Variants in CTAG2 observed in about 807,000 individuals in gnomAD.
CTAG2 encodes the protein CTL-recognized antigen on melanoma.
Under a neutral mutation model 5.7 loss-of-function variants are expected in CTAG2, and 5 were observed. The observed-to-expected ratio is 0.88, with a 90% confidence interval of 0.46 to 1.85. The LOEUF (loss-of-function observed/expected upper bound fraction) is 1.85. CTAG2 is among the 40% of genes most tolerant of loss of function. The pLI, the probability that CTAG2 is intolerant of heterozygous loss-of-function variation, is 0.01. For missense variants in CTAG2, 151 were observed against 169.9 expected, an observed-to-expected ratio of 0.89 and a Z score of 0.62; for synonymous variants, 63 against 80.9, an observed-to-expected ratio of 0.78 and a Z score of 1.19.
At position 154,652,178 on chromosome X, in the gene CTAG2, C is replaced by T. The variant is rs1240863501; in HGVS notation, c.494G>A (p.Cys165Tyr). ...CTGAGCCAAAAACACGGGCAGAAAG[C>T]ACTGCGTGATCCACATCAACAGGGA... ...QLSLLMWITQ[C>Y]FLPVFLAQAP... is the part of the protein sequence containing the mutation. Residue 165 changes from cysteine to tyrosine, a missense_variant, in exon 3 of 3, where the codon TGC (cysteine) becomes TAC (tyrosine). By Grantham distance (194) the Cys-to-Tyr change is radical. Coordinates refer to ENST00000369585, the MANE Select transcript of CTAG2 (RefSeq NM_172377.5). The T allele has an allele frequency of 5.0e-6, 6 of 1,207,434 alleles. No homozygotes were observed. Among genetic ancestry groups the T allele is most frequent in the Non-Finnish European group, 5.6e-6 (5 of 894,542 alleles).
At position 154,652,227 on chromosome X, in the gene CTAG2, T is replaced by C. The variant is rs782235402; in HGVS notation, c.445A>G (p.Ile149Val). The C allele has an allele frequency of 1.7e-6, 2 of 1,210,013 alleles. No homozygotes were observed. Among genetic ancestry groups the C allele is most frequent in the South Asian group, 3.5e-5 (2 of 56,882 alleles). ...GAAAGCTGCTGGAGACAGGAGCTGA[T>C]GGAGAGCTGCAGTTGGCGGTGGTCT... is the stretch of plus-strand genomic sequence containing the variant. The part of the protein sequence containing the change: ...AADHRQLQLS[I>V]SSCLQQLSLL... The change falls in exon 3 of 3, where the codon ATC (isoleucine) becomes GTC (valine). Residue 149 changes from isoleucine to valine, a missense_variant. Transcript: ENST00000369585.
rs781818477 is a variant in CTAG2, at chrX:154,652,887, A to G, written c.270-256T>C. On this transcript the variant is annotated intron_variant, in intron 1 of 2. Transcript: ENST00000369585. ...ACCACCCCCATCCAGCCCACACCCCAGCCACCGGCTCCCACCTTGCACGCT... is the reference window on the plus strand; with the variant it reads ...ACCACCCCCATCCAGCCCACACCCCGGCCACCGGCTCCCACCTTGCACGCT... Among the ~76,000 whole-genome samples the G allele has an allele frequency of 1.3e-4, 7 of 55,901 alleles. No individual in the cohort carries two copies. The South Asian group carries it at 6.3e-3, about 51-fold the overall frequency. 48.5% of individuals were successfully genotyped at this position (55,901 alleles called of 115,157 possible). A position where few individuals can be genotyped will look rare whatever the true frequency, so the allele number is the denominator to read the frequency against.
At position 154,653,196 on chromosome X, in the gene CTAG2, C is replaced by T. The variant is rs782524052; in HGVS notation, c.269+51G>A. 5.1e-6 allele frequency: 6 copies of T among 1,178,117 alleles called. No individual in the cohort carries two copies. In the South Asian group the frequency reaches 1.1e-4, roughly 22 times the overall value. On this transcript the variant is annotated intron_variant, in intron 1 of 2. Transcript: ENST00000369585. ...TCTTGACCCTGTTGTCTCCGTCTCACGGCCCCCACCTCGCCACCAGAACCT... is the reference window on the plus strand; with the variant it reads ...TCTTGACCCTGTTGTCTCCGTCTCATGGCCCCCACCTCGCCACCAGAACCT...
At position 154,652,491 on chromosome X, in the gene CTAG2, A is replaced by C; in HGVS notation, c.404+6T>G. ...AGCGCCTTCCCTGTCCTGGTCCCGAACTGACATAAACAGTAGGTTGCCGGA... is the reference window on the plus strand; with the variant it reads ...AGCGCCTTCCCTGTCCTGGTCCCGACCTGACATAAACAGTAGGTTGCCGGA... On this transcript the variant is annotated splice_donor_region_variant and intron_variant, in intron 2 of 2. Transcript: ENST00000369585. 1.7e-6 allele frequency: 2 copies of C among 1,211,054 alleles called. No homozygotes were observed. The highest frequency in any genetic ancestry group is 2.2e-6 in the Non-Finnish European group (2 of 895,121).
Position 154,652,218 on chromosome X carries a change from A to G in CTAG2, c.454T>C (p.Cys152Arg), listed in dbSNP as rs1557241305. ...ATCAACAGGGAAAGCTGCTGGAGAC[A>G]GGAGCTGATGGAGAGCTGCAGTTGG... Reference protein sequence around the residue: ...HRQLQLSISSCLQQLSLLMWI... With the variant: ...HRQLQLSISSRLQQLSLLMWI... The change falls in exon 3 of 3, where the codon TGT (cysteine) becomes CGT (arginine). Residue 152 changes from cysteine to arginine, a missense_variant. Physicochemically the swap from Cys to Arg is radical, Grantham distance 180 (BLOSUM62 -3). This residue lies in a region of CTAG2 where 147 missense variants were observed against 151.0 expected (regional missense o/e 0.97). Transcript: ENST00000369585. The G allele has an allele frequency of 1.7e-6, 2 of 1,210,316 alleles. No individual in the cohort carries two copies. Among genetic ancestry groups the G allele is most frequent in the East Asian group, 5.9e-5 (2 of 33,826 alleles).
intron 1 of CTAG2, among the ~76,000 whole-genome samples, chrX:154,652,944 A>C (rs2070166439): frequency 1.2e-5 from 1 of 84,446 alleles, no homozygotes; most frequent in Non-Finnish European, 2.3e-5. Flanking sequence ...TCACACACCC[A>C]AGAACCCCTG....
chrX:154,652,489 G>T lies in CTAG2; in HGVS notation c.404+8C>A, dbSNP rs782686361. Reference sequence around the variant, plus strand: ...CCAGCGCCTTCCCTGTCCTGGTCCCGAACTGACATAAACAGTAGGTTGCCG... The same window carrying T: ...CCAGCGCCTTCCCTGTCCTGGTCCCTAACTGACATAAACAGTAGGTTGCCG... On this transcript the variant is annotated splice_region_variant and intron_variant, in intron 2 of 2. Coordinates refer to ENST00000369585, the MANE Select transcript of CTAG2 (RefSeq NM_172377.5). The T allele has an allele frequency of 8.3e-7, 1 of 1,210,808 alleles. No homozygotes were observed.
At chrX:154,652,435 C>T in intron 2 of CTAG2, 62 bp downstream of exon 2, 1 of 1,211,245 alleles carries the variant, frequency 8.3e-7, no homozygotes, top group South Asian at 1.8e-5. Context: ...GAGGCGGATC[C>T]CAGCCCCCAA....
Position 154,652,168 on chromosome X carries a change from G to A in CTAG2, c.504C>T (p.Pro168=), listed in dbSNP as rs782597963. Residue 168 remains proline, a synonymous_variant, in exon 3 of 3, where the codon CCC becomes CCT. Transcript: ENST00000369585. ...CTGAGGGAGCCTGAGCCAAAAACAC[G>A]GGCAGAAAGCACTGCGTGATCCACA... ...LLMWITQCFL[P]VFLAQAPSGQ... 9.5e-5 allele frequency: 115 copies of A among 1,207,290 alleles called. 1 individual carries two copies. The highest frequency in any genetic ancestry group is 1.0e-5 in the Non-Finnish European group (9 of 894,448).
At position 154,652,561 on chromosome X, in the gene CTAG2, C is replaced by G. The variant is rs199990587; in HGVS notation, c.340G>C (p.Ala114Pro). 6 of 1,210,254 alleles carry G rather than the reference C, an allele frequency of 5.0e-6. No individual in the cohort carries two copies. The South Asian group carries it at 8.8e-5, about 18-fold the overall frequency. The change falls in exon 2 of 3, where the codon GCA (alanine) becomes CCA (proline). Residue 114 changes from alanine (A) to proline (P), a missense_variant. Physicochemically the swap from Ala to Pro is conservative, Grantham distance 27. Coordinates refer to ENST00000369585, the MANE Select transcript of CTAG2 (RefSeq NM_172377.5). Reference protein sequence around the residue: ...LVRRILSRDAAPLPRPGAVLK... With the variant: ...LVRRILSRDAPPLPRPGAVLK... Reference sequence around the variant, plus strand: ...ACCGCCCCTGGTCGGGGGAGCGGTGCGGCATCCCGGGACAGGATCCTGCGG... The same window carrying G: ...ACCGCCCCTGGTCGGGGGAGCGGTGGGGCATCCCGGGACAGGATCCTGCGG...
At chrX:154,652,384 G>A (rs1445443612) in intron 2 of CTAG2, 113 bp downstream of exon 2, 1 of 1,209,910 alleles carries the variant, frequency 8.3e-7, no homozygotes, top group Non-Finnish European at 1.1e-6. Flanking sequence ...GAGACCTTGT[G>A]TTTGGGTGTT....
At position 154,653,571 on chromosome X, in the gene CTAG2, G is replaced by C. The variant is rs782375900; in HGVS notation, c.-56C>G. The C allele has an allele frequency of 2.3e-6, 2 of 877,209 alleles. No individual in the cohort carries two copies. Among genetic ancestry groups the C allele is most frequent in the Non-Finnish European group, 3.0e-6 (2 of 663,257 alleles). 72.3% of individuals were successfully genotyped at this position (877,209 alleles called of 1,213,427 possible). On this transcript the variant is annotated 5_prime_UTR_variant, in exon 1 of 3. Transcript: ENST00000369585. Reference sequence around the variant, plus strand: ...AGAAGGTCAGGGCCCACGAGGATGCGGAGGCAGAGAGGCTGCAGGAAGTTC... The same window carrying C: ...AGAAGGTCAGGGCCCACGAGGATGCCGAGGCAGAGAGGCTGCAGGAAGTTC...
chrX:154,653,134 C>A, intron 1 of CTAG2, 113 bp downstream of exon 1: 1 of 922,553 alleles, frequency 1.1e-6, no homozygotes, highest in Admixed American at 3.3e-5. Context: ...CCGCACCTGG[C>A]CCTGCCCTCA....
Position 154,652,556 on chromosome X carries a change from C to T in CTAG2, c.345G>A (p.Pro115=), listed in dbSNP as rs4326559. 1 of 1,209,706 alleles carries T rather than the reference C, an allele frequency of 8.3e-7. No homozygotes were observed. Among genetic ancestry groups the T allele is most frequent in the African/African-American group, 1.7e-5 (1 of 57,585 alleles). Residue 115 remains proline, a synonymous_variant, in exon 2 of 3, where the codon CCG becomes CCA. Coordinates refer to ENST00000369585, the MANE Select transcript of CTAG2 (RefSeq NM_172377.5). ...TCAGAACCGCCCCTGGTCGGGGGAGCGGTGCGGCATCCCGGGACAGGATCC... is the reference window on the plus strand; with the variant it reads ...TCAGAACCGCCCCTGGTCGGGGGAGTGGTGCGGCATCCCGGGACAGGATCC... ...VRRILSRDAA[P]LPRPGAVLKD...
Position 154,653,311 on chromosome X carries a change from C to A in CTAG2, c.205G>T (p.Ala69Ser). The A allele has an allele frequency of 1.7e-6, 2 of 1,208,522 alleles. No individual in the cohort carries two copies. The highest frequency in any genetic ancestry group is 2.2e-6 in the Non-Finnish European group (2 of 894,174). Residue 69 changes from alanine (A) to serine (S), a missense_variant, in exon 1 of 3, where the codon GCT becomes TCT. Transcript: ENST00000369585. The stretch of plus-strand genomic sequence containing the variant: ...GGGCACCTTCCATCCTGCGCAGAAG[C>A]GGCACCGCCATGCGGACCCCGCGGG... ...GAPRGPHGGA[A>S]SAQDGRCPCG...
intron 1 of CTAG2, 83 bp downstream of exon 1, chrX:154,653,164 C>A: frequency 8.8e-7 from 1 of 1,134,596 alleles, no homozygotes. Context: ...TGGCCCTGCC[C>A]CCCACCTCTT....
intron 1 of CTAG2, 39 bp downstream of exon 1, chrX:154,653,208 C>T (rs1471218539): frequency 3.4e-6 from 4 of 1,184,868 alleles, no homozygotes; most frequent in Admixed American, 4.7e-5. Context: ...GCCCCCACCT[C>T]GCCACCAGAA....
Position 154,652,120 on chromosome X carries a change from A to G in CTAG2, c.*9T>C. ...GAGGCATGACCTAGGAAGGGGCGCC[A>G]GGCTGGGCTTAGCGCCTCTGCCCTG... On this transcript the variant is annotated 3_prime_UTR_variant, in exon 3 of 3. Coordinates refer to ENST00000369585, the MANE Select transcript of CTAG2 (RefSeq NM_172377.5). 1 of 1,209,003 alleles carries G rather than the reference A, an allele frequency of 8.3e-7. No homozygotes were observed. The highest frequency in any genetic ancestry group is 1.7e-5 in the African/African-American group (1 of 57,809).
In CTAG2 at chrX:154,653,339, G is replaced by A. The variant is rs1557241811; in HGVS notation, c.177C>T (p.Gly59=). The A allele has an allele frequency of 1.2e-5, 15 of 1,201,908 alleles. No individual in the cohort carries two copies. The highest frequency in any genetic ancestry group is 1.5e-5 in the Non-Finnish European group (13 of 891,618). Residue 59 remains glycine, a synonymous_variant, in exon 1 of 3, where the codon GGC becomes GGT. Coordinates refer to ENST00000369585, the MANE Select transcript of CTAG2 (RefSeq NM_172377.5). ...CACCGCCATGCGGACCCCGCGGGGC[G>A]CCTCCTCTCGGCCCCGAGGCCCTTG... ...GAARASGPRG[G]APRGPHGGAA... is the part of the protein sequence containing the mutation.
Sources: gnomAD v4.1 joint callset for allele counts (sites outside exome capture counted in the v4.1 genomes callset) on GRCh38, gnomAD v4.1.1 for gene constraint, gnomAD v4.1.1 regional missense constraint, MANE v1.5 for transcripts, NCBI Gene and HGNC (gene_info 2026-07-23, HGNC 2026-07-21) for gene names.